Variants in TLE4 observed in about 807,000 individuals in gnomAD.
TLE4 encodes the protein transducin-like enhancer protein 4.
Under a neutral mutation model 92.8 loss-of-function variants are expected in TLE4, and 8 were observed. The observed-to-expected ratio is 0.09, with a 90% CI of 0.05 to 0.16. The LOEUF is 0.16. TLE4 is among the 10% of genes least tolerant of loss of function. The pLI is 1.00. For synonymous variants in TLE4, 371 were observed against 374.1 expected (o/e 0.99, Z 0.10); for missense variants, 675 against 997.6 (o/e 0.68, Z 4.36).
At chr9:79,691,022 C>G (rs2066965987) in intron 8 of TLE4, among the ~76,000 whole-genome samples, 1 of 152,084 alleles carries the variant, frequency 6.6e-6, no homozygotes, top group African/African-American at 2.4e-5. Flanking sequence ...TGATTCCATT[C>G]TAATTTTGTA....
At chr9:79,649,811 A>G (rs1396129854) in intron 6 of TLE4, 2 of 1,365,030 alleles carry the variant, frequency 1.5e-6, no homozygotes, top group Non-Finnish European at 2.0e-6. Flanking sequence ...CTTATTTTTT[A>G]TCCTGTAGGA....
intron 12 of TLE4, 93 bp downstream of exon 12, chr9:79,708,343 A>G: frequency 7.0e-7 from 1 of 1,424,250 alleles, no homozygotes. Flanking sequence ...AGTGCTAATG[A>G]CCAGCATTGA....
intron 8 of TLE4, among the ~76,000 whole-genome samples, chr9:79,664,982 G>C (rs985268839): frequency 6.6e-6 from 1 of 152,046 alleles, no homozygotes; most frequent in Non-Finnish European, 1.5e-5. Flanking sequence ...TTTCACGATG[G>C]ATGTAGTCTA....
chr9:79,683,979 C>T (rs1200596483), intron 8 of TLE4, among the ~76,000 whole-genome samples: 4 of 152,134 alleles, frequency 2.6e-5, no homozygotes, highest in Non-Finnish European at 2.9e-5. Flanking sequence ...ATATCACAAA[C>T]CATAATTCCA....
intron 4 of TLE4, among the ~76,000 whole-genome samples, chr9:79,597,876 T>C (rs1265929153): frequency 6.6e-6 from 1 of 152,082 alleles, no homozygotes; most frequent in Non-Finnish European, 1.5e-5. Context: ...AAGTGAAATA[T>C]CTGGCACAGA....
At chr9:79,576,491 G>A (rs1303798987) in intron 4 of TLE4, 1 of 192,244 alleles carries the variant, frequency 5.2e-6, no homozygotes, top group Admixed American at 6.1e-5. Context: ...TATGTATTTT[G>A]GGCATTGCAA....
chr9:79,583,355 T>G (rs2040207572), intron 4 of TLE4, among the ~76,000 whole-genome samples: 1 of 152,192 alleles, frequency 6.6e-6, no homozygotes, highest in African/African-American at 2.4e-5. Flanking sequence ...TACTCTGTCC[T>G]CTGGTGAGTG....
At chr9:79,573,853 A>C in intron 2 of TLE4, 67 bp downstream of exon 2, 1 of 1,198,172 alleles carries the variant, frequency 8.3e-7, no homozygotes. Flanking sequence ...AAATACACAC[A>C]AACACTTACC....
intron 8 of TLE4, among the ~76,000 whole-genome samples, chr9:79,687,112 T>C (rs937001097): frequency 6.6e-6 from 1 of 152,210 alleles, no homozygotes; most frequent in Non-Finnish European, 1.5e-5. Flanking sequence ...AGATTAGCAA[T>C]AATGACAGTA....
intron 8 of TLE4, among the ~76,000 whole-genome samples, chr9:79,662,710 A>C (rs2060716184): frequency 6.6e-6 from 1 of 152,088 alleles, no homozygotes; most frequent in African/African-American, 2.4e-5. Flanking sequence ...TAATATGGAA[A>C]TCCTATTAAG....
chr9:79,576,830 C>A (rs1324769376), intron 4 of TLE4: 1 of 151,230 alleles, frequency 6.6e-6, no homozygotes, highest in Non-Finnish European at 1.5e-5. Flanking sequence ...AATGATTAGT[C>A]AGAAAGCACT....
At chr9:79,701,465 G>C (rs1304701770) in intron 8 of TLE4, among the ~76,000 whole-genome samples, 1 of 152,094 alleles carries the variant, frequency 6.6e-6, no homozygotes, top group Non-Finnish European at 1.5e-5. Flanking sequence ...AAATTGTTTT[G>C]TTTAGAAATT....
chr9:79,631,616 ATGTGTGTGTGTGTGTG>A (rs57129541), intron 6 of TLE4, among the ~76,000 whole-genome samples: 41 of 118,162 alleles, frequency 3.5e-4, no homozygotes, highest in African/African-American at 1.1e-3. Context: ...TGAACCTTAA[ATGTGTGTGTGTGTGTG>A]TGTGTGTGTG....
intron 14 of TLE4, 130 bp from the exon 15 acceptor site, chr9:79,718,592 G>A (rs1033128692): frequency 7.5e-7 from 1 of 1,338,084 alleles, no homozygotes; most frequent in Admixed American, 2.6e-5. Flanking sequence ...TACACTGTAT[G>A]GACAAATTCG....
chr9:79,647,959 G>A (rs2058352449), intron 6 of TLE4, among the ~76,000 whole-genome samples: 1 of 151,710 alleles, frequency 6.6e-6, no homozygotes, highest in African/African-American at 2.4e-5. Flanking sequence ...TATACATATA[G>A]AGACAGATGA....
chr9:79,686,233 G>A (rs1229694268), intron 8 of TLE4, among the ~76,000 whole-genome samples: 2 of 152,064 alleles, frequency 1.3e-5, no homozygotes, highest in Non-Finnish European at 2.9e-5. Context: ...AACGCCCATG[G>A]ATACCTAAGG....
At chr9:79,646,111 T>G (rs1306958588) in intron 6 of TLE4, among the ~76,000 whole-genome samples, 1 of 152,166 alleles carries the variant, frequency 6.6e-6, no homozygotes, top group East Asian at 1.9e-4. Context: ...TAGTTTATAA[T>G]GTATCTTAAA....
chr9:79,691,513 T>C (rs993236959), intron 8 of TLE4, among the ~76,000 whole-genome samples: 1 of 152,098 alleles, frequency 6.6e-6, no homozygotes, highest in African/African-American at 2.4e-5. Context: ...CAGTGGCCCT[T>C]AGAATAAAAC....
intron 8 of TLE4, among the ~76,000 whole-genome samples, chr9:79,663,061 TG>T (rs1392423518): frequency 3.2e-5 from 3 of 94,490 alleles, no homozygotes; most frequent in African/African-American, 1.1e-4. Flanking sequence ...GGGGTGGGGG[TG>T]GGGGTGGGGG....
Sources: allele counts gnomAD v4.1 joint callset (sites outside exome capture counted in the v4.1 genomes callset), GRCh38; gene constraint gnomAD v4.1.1; transcripts MANE v1.5; gene names NCBI Gene and HGNC (gene_info 2026-07-23, HGNC 2026-07-21).